LIPA: variants seen among roughly 807,000 people sequenced by gnomAD.
The protein encoded by LIPA is lysosomal acid lipase/cholesteryl ester hydrolase.
Under a neutral mutation model 40.6 loss-of-function variants are expected in LIPA, and 26 were observed. The ratio of observed to expected loss-of-function variants is 0.64; its 90% CI spans 0.47 to 0.89. The LOEUF is 0.89. Ranked by LOEUF, LIPA falls within the 40% of genes least tolerant of loss-of-function variation. The pLI is 0.00. For synonymous variants in LIPA, 188 were observed against 168.4 expected (o/e 1.12, Z -0.90); for missense variants, 455 against 479.6 (o/e 0.95, Z 0.48).
chr10:89,368,402 A>G lies in LIPA; in HGVS notation c.61+44389T>C, dbSNP rs113664181. 6.7e-3 allele frequency among the ~76,000 whole-genome samples: 1,018 copies of G among 152,306 alleles called. 9 individuals are homozygous for G. Among genetic ancestry groups the G allele is most frequent in the African/African-American group, 0.023 (966 of 41,560 alleles). ...AGCTTTAGCCCAAACAGATCAGAAT[A>G]CCAGAAAGGGTCCCCAGCTGTCTCA... On this transcript the variant is annotated intron_variant, in intron 2 of 8. Coordinates refer to the LIPA transcript ENST00000371837.
chr10:89,215,182 T>A, intron 9 of LIPA, 121 bp from the exon 10 acceptor site: 1 of 778,994 alleles, frequency 1.3e-6, no homozygotes, highest in Non-Finnish European at 2.2e-6. Flanking sequence ...ACTAAATTTT[T>A]AAAATCTCTT....
Position 89,389,975 on chromosome 10 carries a change from C to CTTTT in LIPA, c.61+22812_61+22815dup, listed in dbSNP as rs56947144. ...ATCAAAATCACCTGAAGATTTCTTT[C>CTTTT]TTTTTTTTTTTTTTTTTTTTTTTGA... On this transcript the variant is annotated intron_variant, in intron 2 of 8. Coordinates refer to the LIPA transcript ENST00000371837. 8.0e-3 allele frequency among the ~76,000 whole-genome samples: 641 copies of CTTTT among 80,126 alleles called. 1 individual carries two copies. Among genetic ancestry groups the CTTTT allele is most frequent in the Non-Finnish European group, 0.012 (540 of 44,340 alleles). 52.6% of individuals were successfully genotyped at this position (80,126 alleles called of 152,430 possible). A position where few individuals can be genotyped will look rare whatever the true frequency, so the allele number is the denominator to read the frequency against.
At chr10:89,233,210 C>G (rs1486771888) in intron 3 of LIPA, among the ~76,000 whole-genome samples, 1 of 152,174 alleles carries the variant, frequency 6.6e-6, no homozygotes, top group East Asian at 1.9e-4. Context: ...ACAAAAGATG[C>G]AGCAGATGGG....
At chr10:89,306,633 G>C in intron 1 of LIPA, 1 of 1,614,124 alleles carries the variant, frequency 6.2e-7, no homozygotes, top group Non-Finnish European at 8.5e-7. Flanking sequence ...CGTGAAGAAG[G>C]TGAAGAGGAA....
chr10:89,351,172 G>T (rs1346460770), intron 2 of LIPA, among the ~76,000 whole-genome samples: 4 of 152,048 alleles, frequency 2.6e-5, no homozygotes, highest in African/African-American at 4.8e-5. Flanking sequence ...AAAAATTAGC[G>T]AGGTGTGGTG....
chr10:89,310,491 C>T (rs1417730498), intron 1 of LIPA, among the ~76,000 whole-genome samples: 1 of 152,232 alleles, frequency 6.6e-6, no homozygotes, highest in Non-Finnish European at 1.5e-5. Flanking sequence ...CCTACATTTG[C>T]CCTATTGCCC....
chr10:89,383,670 C>G (rs1327345416), intron 2 of LIPA: 6 of 1,614,090 alleles, frequency 3.7e-6, no homozygotes, highest in Non-Finnish European at 5.1e-6. Context: ...CTTACCTGGA[C>G]AAGGTGGAGA....
At chr10:89,247,201 T>C (rs1843035592) in intron 2 of LIPA, among the ~76,000 whole-genome samples, 1 of 151,596 alleles carries the variant, frequency 6.6e-6, no homozygotes, top group South Asian at 2.1e-4. Flanking sequence ...TGAAACCCTG[T>C]ATCTACTAAA....
chr10:89,372,015 G>C lies in LIPA; in HGVS notation c.61+40776C>G, dbSNP rs575927948. Among the ~76,000 whole-genome samples the C allele has an allele frequency of 4.6e-5, 7 of 152,266 alleles. No individual in the cohort carries two copies. In the South Asian group the frequency reaches 1.5e-3, roughly 32 times the overall value. ...GGGAGCTAAACACTGAGTACATGTG[G>C]ACACAAAGAAGGGAACAACACAAAT... On this transcript the variant is annotated intron_variant, in intron 2 of 8. Transcript: ENST00000371837.
intron 2 of LIPA, among the ~76,000 whole-genome samples, chr10:89,361,845 A>C (rs189624612): frequency 1.4e-5 from 2 of 145,820 alleles, no homozygotes; most frequent in Non-Finnish European, 3.0e-5. Flanking sequence ...CTATGGGGAA[A>C]AAAAAATCCA....
At chr10:89,288,834 G>A (rs1333945292) in intron 1 of LIPA, among the ~76,000 whole-genome samples, 2 of 152,180 alleles carry the variant, frequency 1.3e-5, no homozygotes, top group African/African-American at 4.8e-5. Context: ...TATTTATACT[G>A]ACTCTAAATA....
intron 1 of LIPA, chr10:89,306,089 CA>C: frequency 6.2e-7 from 1 of 1,614,132 alleles, no homozygotes; most frequent in Non-Finnish European, 8.5e-7. Context: ...GACTGAGTTT[CA>C]GAATCGTGAA....
At chr10:89,284,430 C>G (rs1246925941) in intron 1 of LIPA, 1 of 152,216 alleles carries the variant, frequency 6.6e-6, no homozygotes, top group African/African-American at 2.4e-5. Flanking sequence ...AGCATCTACA[C>G]CTCTGAGGCC....
At chr10:89,361,185 T>C (rs1023301037) in intron 2 of LIPA, among the ~76,000 whole-genome samples, 1 of 152,146 alleles carries the variant, frequency 6.6e-6, no homozygotes, top group Non-Finnish European at 1.5e-5. Flanking sequence ...AACCCTCCAA[T>C]ATGTCATAGA....
intron 1 of LIPA, chr10:89,306,753 C>A: frequency 6.2e-7 from 1 of 1,614,074 alleles, no homozygotes; most frequent in African/African-American, 1.3e-5. Flanking sequence ...CCAGACAAAG[C>A]GATTGAACTG....
intron 3 of LIPA, among the ~76,000 whole-genome samples, chr10:89,238,499 G>C (rs917669593): frequency 1.3e-5 from 2 of 152,218 alleles, no homozygotes; most frequent in African/African-American, 2.4e-5. Context: ...ATGAAAAAAG[G>C]ACAGAAATTA....
intron 2 of LIPA, among the ~76,000 whole-genome samples, chr10:89,349,013 C>G (rs1250623690): frequency 6.6e-6 from 1 of 152,204 alleles, no homozygotes; most frequent in Non-Finnish European, 1.5e-5. Context: ...GGAAATGCCA[C>G]TCCAAAATAT....
chr10:89,295,386 G>A (rs964025364), intron 1 of LIPA, among the ~76,000 whole-genome samples: 5 of 152,086 alleles, frequency 3.3e-5, no homozygotes, highest in Admixed American at 6.5e-5. Flanking sequence ...AAATCTCAAG[G>A]AAAAAGCATA....
intron 1 of LIPA, among the ~76,000 whole-genome samples, chr10:89,266,910 A>G (rs988364704): frequency 6.6e-6 from 1 of 152,382 alleles, no homozygotes; most frequent in South Asian, 2.1e-4. Flanking sequence ...TGCAGAGTGC[A>G]TCAAGATTAC....
Sources: gnomAD v4.1 joint callset for allele counts (sites outside exome capture counted in the v4.1 genomes callset) on GRCh38, gnomAD v4.1.1 for gene constraint, MANE v1.5 for transcripts, NCBI Gene and HGNC (gene_info 2026-07-23, HGNC 2026-07-21) for gene names.